KIF18A: variants seen among roughly 807,000 people sequenced by gnomAD.
KIF18A encodes the protein kinesin family member 18A, also known as kinesin-like protein KIF18A.
In KIF18A, 67 loss-of-function variants were observed where a neutral mutation model predicts 103.3. The observed-to-expected ratio is 0.65, with a 90% CI of 0.53 to 0.79. The LOEUF (loss-of-function observed/expected upper bound fraction) is 0.79, where lower values mean the gene tolerates loss of function less well. KIF18A is among the 30% of genes least tolerant of loss of function. The pLI is 0.00. For synonymous variants in KIF18A, 367 were observed against 355.5 expected, an observed-to-expected ratio of 1.03 and a Z score of -0.36; for missense variants, 1,032 against 1,062.5, an observed-to-expected ratio of 0.97 and a Z score of 0.40.
At chr11:28,089,871 A>T (rs1851279331) in intron 5 of KIF18A, among the ~76,000 whole-genome samples, 1 of 152,234 alleles carries the variant, frequency 6.6e-6, no homozygotes, top group Admixed American at 6.5e-5. Flanking sequence ...AGGATCTAAG[A>T]TATTTCAGAG....
intron 15 of KIF18A, among the ~76,000 whole-genome samples, chr11:28,030,867 C>T (rs1034554351): frequency 3.1e-4 from 46 of 150,246 alleles, no homozygotes; most frequent in East Asian, 2.2e-3. Flanking sequence ...AAAAAGTGGG[C>T]GAAGGACATG....
At position 28,086,017 on chromosome 11, in the gene KIF18A, A is replaced by G. The variant is rs1178331237; in HGVS notation, c.898-1209T>C. Among the ~76,000 whole-genome samples the G allele has an allele frequency of 2.6e-5, 4 of 152,306 alleles. No homozygotes were observed. In the South Asian group the frequency reaches 8.3e-4, roughly 32 times the overall value. On this transcript the variant is annotated intron_variant, in intron 6 of 16. Transcript: ENST00000263181. ...AAGTATGAACTTTAGTTCAAAATAA[A>G]ATAATACATTAATATTGGTTCATTA... is the stretch of plus-strand genomic sequence containing the variant.
chr11:28,022,032 T>C (rs1033917286), intron 16 of KIF18A, among the ~76,000 whole-genome samples: 1 of 152,192 alleles, frequency 6.6e-6, no homozygotes, highest in Non-Finnish European at 1.5e-5. Flanking sequence ...TATTTGTACA[T>C]TGTTAGTTAG....
intron 15 of KIF18A, among the ~76,000 whole-genome samples, chr11:28,024,200 A>AAC (rs1169604362): frequency 6.0e-5 from 9 of 151,260 alleles, no homozygotes; most frequent in African/African-American, 1.9e-4. Context: ...TTAAAAAAAA[A>AAC]AAAAAAAAAA....
intron 15 of KIF18A, 131 bp downstream of exon 15, chr11:28,035,256 G>A (rs1005800354): frequency 2.4e-6 from 1 of 419,248 alleles, no homozygotes; most frequent in African/African-American, 2.1e-5. Context: ...CCCATTCAGA[G>A]AAATTTATCC....
chr11:28,057,179 G>A (rs1262170631), intron 13 of KIF18A, among the ~76,000 whole-genome samples: 1 of 152,020 alleles, frequency 6.6e-6, no homozygotes, highest in East Asian at 1.9e-4. Context: ...TACCTGACAG[G>A]GGATGAATTG....
At chr11:28,030,476 A>C (rs1261286348) in intron 15 of KIF18A, among the ~76,000 whole-genome samples, 8 of 152,184 alleles carry the variant, frequency 5.3e-5, no homozygotes, top group Admixed American at 1.3e-4. Flanking sequence ...CTGGCTAGCC[A>C]TATGTAGAAA....
At chr11:28,081,142 C>T (rs1441009957) in intron 9 of KIF18A, among the ~76,000 whole-genome samples, 1 of 152,122 alleles carries the variant, frequency 6.6e-6, no homozygotes, top group Non-Finnish European at 1.5e-5. Flanking sequence ...AAAGCCTTCT[C>T]TAGAACATAA....
chr11:28,107,100 A>G (rs1392794254), intron 1 of KIF18A, among the ~76,000 whole-genome samples: 1 of 152,200 alleles, frequency 6.6e-6, no homozygotes, highest in East Asian at 1.9e-4. Context: ...CTTACAAACT[A>G]TGAACTTAAT....
chr11:28,104,891 GA>G (rs1275493588), intron 1 of KIF18A, among the ~76,000 whole-genome samples: 2 of 152,138 alleles, frequency 1.3e-5, no homozygotes, highest in Non-Finnish European at 2.9e-5. Flanking sequence ...GGGTACACAA[GA>G]AATTGATAAT....
intron 1 of KIF18A, among the ~76,000 whole-genome samples, chr11:28,105,636 CTCTTA>C (rs1851494875): frequency 6.6e-6 from 1 of 152,168 alleles, no homozygotes; most frequent in Non-Finnish European, 1.5e-5. Context: ...TGGTACCACT[CTCTTA>C]TATTTCCTTA....
chr11:28,031,407 C>A (rs1392538608), intron 15 of KIF18A, among the ~76,000 whole-genome samples: 1 of 152,068 alleles, frequency 6.6e-6, no homozygotes, highest in Admixed American at 6.6e-5. Flanking sequence ...TGAAAACCAT[C>A]ATTCTCAGCA....
intron 6 of KIF18A, 33 bp from the exon 7 acceptor site, chr11:28,084,841 T>C: frequency 1.3e-6 from 2 of 1,564,880 alleles, no homozygotes; most frequent in Non-Finnish European, 1.8e-6. Flanking sequence ...TTATGTCATT[T>C]TCCACATTTA....
intron 16 of KIF18A, among the ~76,000 whole-genome samples, chr11:28,021,549 C>T (rs1850245520): frequency 6.6e-6 from 1 of 152,180 alleles, no homozygotes; most frequent in Non-Finnish European, 1.5e-5. Context: ...GAATTAAATA[C>T]TATGTTCATT....
intron 13 of KIF18A, among the ~76,000 whole-genome samples, chr11:28,058,490 A>G (rs1387525517): frequency 3.1e-5 from 3 of 96,274 alleles, no homozygotes; most frequent in South Asian, 4.3e-4. Flanking sequence ...TTTCTACAGG[A>G]AAAAAAAAAA....
At chr11:28,033,363 T>A (rs1325660554) in intron 15 of KIF18A, among the ~76,000 whole-genome samples, 1 of 151,232 alleles carries the variant, frequency 6.6e-6, no homozygotes, top group East Asian at 1.9e-4. Context: ...ACTAGATACA[T>A]GCCAAAATGA....
chr11:28,095,204 T>G (rs1314654469), intron 2 of KIF18A, among the ~76,000 whole-genome samples: 4 of 152,256 alleles, frequency 2.6e-5, no homozygotes, highest in African/African-American at 9.6e-5. Context: ...TGGAATATTA[T>G]AAAGCACTCA....
chr11:28,090,744 A>C lies in KIF18A; in HGVS notation c.589-17T>G. 3 of 1,291,268 alleles carry C rather than the reference A, an allele frequency of 2.3e-6. No individual in the cohort carries two copies. Among genetic ancestry groups the C allele is most frequent in the Non-Finnish European group, 3.3e-6 (3 of 896,902 alleles). 80.0% of individuals were successfully genotyped at this position (1,291,268 alleles called of 1,614,324 possible). A position where few individuals can be genotyped will look rare whatever the true frequency, so the allele number is the denominator to read the frequency against. On this transcript the variant is annotated splice_polypyrimidine_tract_variant and intron_variant, in intron 4 of 16. Transcript: ENST00000263181. ...GGATTTGGGCTGGAGAAGTTTAAGTAGAAGCAAAATTTAAAAATCAGCAAT... is the reference window on the plus strand; with the variant it reads ...GGATTTGGGCTGGAGAAGTTTAAGTCGAAGCAAAATTTAAAAATCAGCAAT...
rs371406062 is a variant in KIF18A at position 28,043,238 on chromosome 11, C to T, written c.1949-6574G>A. 4.6e-5 allele frequency among the ~76,000 whole-genome samples: 7 copies of T among 152,036 alleles called. No individual in the cohort carries two copies. In the East Asian group the frequency reaches 7.7e-4, roughly 17 times the overall value. On this transcript the variant is annotated intron_variant, in intron 13 of 16. Coordinates refer to ENST00000263181, the MANE Select transcript of KIF18A (RefSeq NM_031217.4). ...GTTCCCATCACTGTTGGCTATATCA[C>T]ACATGGATGAGATACTCTTGGGCAA...
Sources: allele counts gnomAD v4.1 joint callset (sites outside exome capture counted in the v4.1 genomes callset), GRCh38; gene constraint gnomAD v4.1.1; transcripts MANE v1.5; gene names NCBI Gene and HGNC (gene_info 2026-07-23, HGNC 2026-07-21).